Variants in TTC7A observed in about 807,000 individuals in gnomAD.
The protein encoded by TTC7A is tetratricopeptide repeat protein 7A.
TTC7A carries 110 observed loss-of-function variants against 103.7 expected under a neutral mutation model. The ratio of observed to expected loss-of-function variants is 1.06; its 90% CI spans 0.91 to 1.24. The LOEUF is 1.24. Ranked by LOEUF, TTC7A falls within the 50% of genes most tolerant of loss-of-function variation. TTC7A has a pLI of 0.00. For synonymous variants in TTC7A, 521 were observed against 467.9 expected, an observed-to-expected ratio of 1.11 and a Z score of -1.47; for missense variants, 1,340 against 1,116.3, an observed-to-expected ratio of 1.20 and a Z score of -2.86.
At chr2:47,071,698 GAC>G (rs1684736681) in intron 19 of TTC7A, among the ~76,000 whole-genome samples, 1 of 152,042 alleles carries the variant, frequency 6.6e-6, no homozygotes, top group Admixed American at 6.6e-5. Context: ...CCTCCCTACA[GAC>G]ACACACAGGA....
chr2:46,993,629 G>T, intron 6 of TTC7A, 101 bp downstream of exon 6: 1 of 1,092,020 alleles, frequency 9.2e-7, no homozygotes, highest in Admixed American at 1.8e-5. Flanking sequence ...GGTGGCAGTA[G>T]GTCTCCTGCC....
intron 7 of TTC7A, 132 bp from the exon 8 acceptor site, chr2:46,995,004 C>A: frequency 1.3e-6 from 1 of 790,888 alleles, no homozygotes; most frequent in Non-Finnish European, 2.1e-6. Context: ...ATCCGGTGCC[C>A]ATGAATTATG....
intron 19 of TTC7A, among the ~76,000 whole-genome samples, chr2:47,067,623 G>A (rs1549981): frequency 0.5 from 75,464 of 152,050 alleles, 21,296 homozygotes; most frequent in Non-Finnish European, 0.64. Flanking sequence ...GGGCCTTCAA[G>A]TTCATCTGAC....
intron 11 of TTC7A, among the ~76,000 whole-genome samples, chr2:47,019,759 G>A (rs1004853446): frequency 6.6e-6 from 1 of 152,176 alleles, no homozygotes; most frequent in African/African-American, 2.4e-5. Flanking sequence ...GGACATGGCC[G>A]TGTATTCATG....
At chr2:46,961,605 A>AAAT (rs377767079) in intron 3 of TTC7A, among the ~76,000 whole-genome samples, 9 of 140,858 alleles carry the variant, frequency 6.4e-5, no homozygotes, top group South Asian at 2.3e-4. Context: ...ATAAATAAAT[A>AAAT]AAATAAAAAA....
chr2:46,988,648 A>G (rs188850856), intron 5 of TTC7A, among the ~76,000 whole-genome samples: 5 of 152,320 alleles, frequency 3.3e-5, no homozygotes, highest in East Asian at 1.9e-4. Context: ...GCTAATCTCT[A>G]TTGTGAACAG....
chr2:46,993,985 T>TGA lies in TTC7A; in HGVS notation c.844-360_844-359dup, dbSNP rs946641042. Among the ~76,000 whole-genome samples, 16 of 152,044 alleles carry TGA rather than the reference T, an allele frequency of 1.1e-4. No individual in the cohort carries two copies. The East Asian group carries it at 2.5e-3, about 24-fold the overall frequency. On this transcript the variant is annotated intron_variant, in intron 6 of 19. Transcript: ENST00000319190. ...CTCCATCGAATATCAGAAAGGCACC[T>TGA]GAGAGAGAGAGAGCTGCCCATGCCT...
chr2:47,064,232 G>A (rs1338243808), intron 19 of TTC7A, among the ~76,000 whole-genome samples: 1 of 152,238 alleles, frequency 6.6e-6, no homozygotes, highest in African/African-American at 2.4e-5. Flanking sequence ...CAGGCTCAAG[G>A]ATGGCCAGGG....
intron 13 of TTC7A, 81 bp from the exon 14 acceptor site, chr2:47,024,206 G>A: frequency 7.8e-7 from 1 of 1,286,958 alleles, no homozygotes. Flanking sequence ...CCCAGCACAG[G>A]GCTGGCATGC....
At position 47,041,149 on chromosome 2, in the gene TTC7A, C is replaced by G. The variant is rs191962391; in HGVS notation, c.1803-5166C>G. Among the ~76,000 whole-genome samples, 9 of 152,266 alleles carry G rather than the reference C, an allele frequency of 5.9e-5. No homozygotes were observed. In the East Asian group the frequency reaches 1.7e-3, roughly 29 times the overall value. On this transcript the variant is annotated intron_variant, in intron 15 of 19. Transcript: ENST00000319190. ...TGGAGCCCACTGTTCCTCCCCAGGT[C>G]CTGCTTTCACAGGGAGGAAAACTTT...
At chr2:46,993,633 T>TG (rs1406174058) in intron 6 of TTC7A, 105 bp downstream of exon 6, 1 of 1,028,666 alleles carries the variant, frequency 9.7e-7, no homozygotes, top group East Asian at 2.4e-5. Context: ...GCAGTAGGTC[T>TG]CCTGCCTGCT....
upstream of TTC7A, among the ~76,000 whole-genome samples, chr2:46,940,535 T>C (rs546151585): frequency 6.6e-6 from 1 of 152,336 alleles, no homozygotes; most frequent in African/African-American, 2.4e-5. The surrounding 1 kb of genome is among the most constrained non-coding windows in gnomAD (Gnocchi z 4.7). Flanking sequence ...CCATAGAGCT[T>C]TGATCACAGT....
intron 19 of TTC7A, among the ~76,000 whole-genome samples, chr2:47,070,469 T>G (rs1684583448): frequency 6.6e-6 from 1 of 152,188 alleles, no homozygotes; most frequent in Non-Finnish European, 1.5e-5. Context: ...CTCTGAGCCT[T>G]GTTGAGCTGC....
intron 19 of TTC7A, among the ~76,000 whole-genome samples, chr2:47,069,455 G>A (rs901055152): frequency 3.3e-5 from 5 of 152,162 alleles, no homozygotes; most frequent in African/African-American, 1.2e-4. Flanking sequence ...TTGTGAGTCT[G>A]GGCTCTTCTC....
At position 46,950,462 on chromosome 2, in the gene TTC7A, A is replaced by G. The variant is rs1181424934; in HGVS notation, c.284A>G (p.Asn95Ser). Residue 95 changes from asparagine (N) to serine (S), a missense_variant, in exon 2 of 20, where the codon AAT becomes AGT. Physicochemically the swap from Asn to Ser is conservative, Grantham distance 46. Transcript: ENST00000319190. The part of the protein sequence containing the change: ...IKDSMPLLEK[N>S]EPKMSEAKNY... ...GACTCCATGCCTTTGCTGGAGAAGAATGAGCCGAAGATGAGCGAAGCCAAA... is the reference window on the plus strand; with the variant it reads ...GACTCCATGCCTTTGCTGGAGAAGAGTGAGCCGAAGATGAGCGAAGCCAAA... 3.1e-6 allele frequency: 5 copies of G among 1,614,100 alleles called. No individual in the cohort carries two copies. In the African/African-American group the frequency reaches 6.7e-5, roughly 22 times the overall value.
intron 12 of TTC7A, among the ~76,000 whole-genome samples, 178 bp downstream of exon 12, chr2:47,022,157 G>A (rs1420318883): frequency 2.6e-5 from 4 of 152,042 alleles, no homozygotes; most frequent in Admixed American, 2.0e-4. Context: ...ACACACACGC[G>A]CCCCTCAGAC....
rs66907808 is a variant in TTC7A at position 47,053,543 on chromosome 2, T to TTTGTTTGTTTGG, written c.2152+1666_2152+1667insTTTGTTTGGTTG. Among the ~76,000 whole-genome samples the TTTGTTTGTTTGG allele has an allele frequency of 5.2e-3, 727 of 140,228 alleles. 6 individuals are homozygous for TTTGTTTGTTTGG. Among genetic ancestry groups the TTTGTTTGTTTGG allele is most frequent in the Middle Eastern group, 0.014 (4 of 286 alleles). The allele number at this position is 140,228 out of a possible 152,430, so 92.0% of individuals were successfully genotyped here. On this transcript the variant is annotated intron_variant, in intron 18 of 19. Coordinates refer to ENST00000319190, the MANE Select transcript of TTC7A (RefSeq NM_020458.4). ...TTTGGTGGGTTTTTTTGTTTGTTTGTTTGGTTGGTTGGTTGGTTGGTTGGT... is the reference window on the plus strand; with the variant it reads ...TTTGGTGGGTTTTTTTGTTTGTTTGTTTGTTTGTTTGGTTGGTTGGTTGGTTGGTTGGTTGGT...
Position 47,051,767 on chromosome 2 carries a change from T to C in TTC7A, c.2039T>C (p.Ile680Thr), listed in dbSNP as rs1682876924. The change falls in exon 18 of 20, where the codon ATC becomes ACC. Residue 680 changes from isoleucine (I) to threonine (T), a missense_variant. Transcript: ENST00000319190. ...GCAGGCTCCCGGCGGGCTTCGTCCA[T>C]CGCCGCCTCCCGGCTGGAGGAGGCC... ...ADSGSRRASS[I>T]AASRLEEAMS... 1.2e-6 allele frequency: 2 copies of C among 1,610,768 alleles called. No individual in the cohort carries two copies.
chr2:47,049,921 C>T (rs373337836), intron 16 of TTC7A, 28 bp from the exon 17 acceptor site: 46 of 1,584,914 alleles, frequency 2.9e-5, no homozygotes, highest in East Asian at 6.7e-5. Context: ...TCTACCTTAC[C>T]GGACCCTGGC....
Sources: allele counts gnomAD v4.1 joint callset (sites outside exome capture counted in the v4.1 genomes callset), GRCh38; gene constraint gnomAD v4.1.1; non-coding constraint Gnocchi (gnomAD v3.1); transcripts MANE v1.5; gene names NCBI Gene and HGNC (gene_info 2026-07-23, HGNC 2026-07-21).